Variants in BNIP3 observed in about 807,000 individuals in gnomAD.
BNIP3 encodes BCL2/adenovirus E1B 19 kDa protein-interacting protein 3.
BNIP3 carries 16 observed loss-of-function variants against 23.9 expected under a neutral mutation model. That is an observed-to-expected ratio of 0.67 (90% CI 0.45 to 1.01). BNIP3 has a LOEUF of 1.01. Among genes scored for constraint, BNIP3 ranks in the 50% least tolerant of loss-of-function variants. The pLI, the probability that BNIP3 is intolerant of heterozygous loss-of-function variation, is 0.00. For missense variants in BNIP3, 198 were observed against 248.7 expected (o/e 0.80, Z 1.37); for synonymous variants, 81 against 89.3 (o/e 0.91, Z 0.53).
rs377634996 is a variant in BNIP3 at position 131,975,773 on chromosome 10, C to G, written c.47-1830G>C. ...CAACAGTCTCCCAGTAAGCTGCTAA[C>G]GAAATGATCACACAAATTTTCAAAT... On this transcript the variant is annotated intron_variant, in intron 1 of 5. Transcript: ENST00000368636. Among the ~76,000 whole-genome samples, 4 of 152,326 alleles carry G rather than the reference C, an allele frequency of 2.6e-5. No homozygotes were observed. In the East Asian group the frequency reaches 7.7e-4, roughly 29 times the overall value.
Position 131,981,796 on chromosome 10 carries a change from T to G in BNIP3, c.11A>C (p.Asn4Thr). The change falls in exon 1 of 6, where the codon AAC (asparagine) becomes ACC (threonine). Residue 4 changes from asparagine (N) to threonine (T), a missense_variant. Transcript: ENST00000368636. ...CTCCTCCTGCATCCCGGGCGCTCCG[T>G]TCTGCGACATGGCGCCAGAGGGCAA... MSQ[N>T]GAPGMQEESL... The G allele has an allele frequency of 6.7e-7, 1 of 1,483,340 alleles. No homozygotes were observed. 91.9% of individuals were successfully genotyped at this position (1,483,340 alleles called of 1,614,324 possible). A position where few individuals can be genotyped will look rare whatever the true frequency, so the allele number is the denominator to read the frequency against.
intron 1 of BNIP3, among the ~76,000 whole-genome samples, chr10:131,978,620 C>G (rs2037097179): frequency 1.3e-5 from 2 of 152,192 alleles, no homozygotes; most frequent in Admixed American, 6.5e-5. Flanking sequence ...GGGTGACAAC[C>G]TCAACTCTGG....
intron 2 of BNIP3, chr10:131,973,403 A>G: frequency 4.1e-6 from 2 of 489,868 alleles, no homozygotes; most frequent in South Asian, 4.5e-5. Flanking sequence ...GGTCTGTTGC[A>G]CAGCTCTCAA....
In BNIP3 at chr10:131,973,951, G is replaced by A. The variant is rs750601994; in HGVS notation, c.47-8C>T. 2 of 1,610,606 alleles carry A rather than the reference G, an allele frequency of 1.2e-6. No homozygotes were observed. Among genetic ancestry groups the A allele is most frequent in the African/African-American group, 2.7e-5 (2 of 74,524 alleles). On this transcript the variant is annotated splice_region_variant and splice_polypyrimidine_tract_variant and intron_variant, in intron 1 of 5. Coordinates refer to ENST00000368636, the MANE Select transcript of BNIP3 (RefSeq NM_004052.4). ...GCAGTTCTACCCAGGAGCCTGATGG[G>A]GACAAAAAAAGGGGCGCAGATGGAA...
chr10:131,975,858 C>T (rs1229132781), intron 1 of BNIP3, among the ~76,000 whole-genome samples: 1 of 152,234 alleles, frequency 6.6e-6, no homozygotes, highest in African/African-American at 2.4e-5. Context: ...CTACACGAAG[C>T]ACATCCCTAA....
Position 131,981,908 on chromosome 10 carries a change from G to C in BNIP3, c.-102C>G, listed in dbSNP as rs1014101824. ...GCGGAGGTCGGAGCGCCGCGGCCCA[G>C]CTGCGCTCCCGGACTGAGCGGAGCC... On this transcript the variant is annotated 5_prime_UTR_variant, in exon 1 of 6. Coordinates refer to ENST00000368636, the MANE Select transcript of BNIP3 (RefSeq NM_004052.4). The C allele has an allele frequency of 1.5e-6, 2 of 1,320,578 alleles. No homozygotes were observed. Among genetic ancestry groups the C allele is most frequent in the Non-Finnish European group, 1.9e-6 (2 of 1,026,698 alleles). 81.8% of individuals were successfully genotyped at this position (1,320,578 alleles called of 1,614,324 possible).
At chr10:131,980,529 T>A (rs1388612657) in intron 1 of BNIP3, 1 of 151,064 alleles carries the variant, frequency 6.6e-6, no homozygotes, top group Non-Finnish European at 1.5e-5. Flanking sequence ...GGAGGATCGC[T>A]TGAGCCCAGT....
chr10:131,971,720 T>A (rs770440248), intron 3 of BNIP3, among the ~76,000 whole-genome samples: 3 of 152,134 alleles, frequency 2.0e-5, no homozygotes, highest in Non-Finnish European at 4.4e-5. Flanking sequence ...AACATCTGGG[T>A]ACACCCAAGC....
At chr10:131,979,836 T>A (rs1439494171) in intron 1 of BNIP3, among the ~76,000 whole-genome samples, 6 of 152,224 alleles carry the variant, frequency 3.9e-5, no homozygotes, top group Non-Finnish European at 5.9e-5. Flanking sequence ...GCTTGCTGCT[T>A]CCATCCGTGG....
Position 131,970,478 on chromosome 10 carries a change from G to T in BNIP3, c.539+160C>A. 9.2e-7 allele frequency: 1 copy of T among 1,088,404 alleles called. No homozygotes were observed. Among genetic ancestry groups the T allele is most frequent in the Non-Finnish European group, 1.3e-6 (1 of 781,190 alleles). The allele number at this position is 1,088,404 out of a possible 1,614,324, so 67.4% of individuals were successfully genotyped here. A position where few individuals can be genotyped will look rare whatever the true frequency, so the allele number is the denominator to read the frequency against. ...GGGCCTTTGGGGGCTGCAGGCTGGT[G>T]GTTTCTGGACCTGAACAGTGACTAC... On this transcript the variant is annotated intron_variant, in intron 5 of 5. Coordinates refer to ENST00000368636, the MANE Select transcript of BNIP3 (RefSeq NM_004052.4). This position sits in a 1 kb window ranked among gnomAD's most constrained non-coding sequence, Gnocchi z 4.1.
intron 1 of BNIP3, among the ~76,000 whole-genome samples, chr10:131,977,300 A>G (rs2037086107): frequency 2.0e-5 from 3 of 152,150 alleles, no homozygotes. Context: ...CTGCTCAGGA[A>G]GCCCCAGGGG....
intron 2 of BNIP3, 159 bp from the exon 3 acceptor site, chr10:131,973,277 C>T: frequency 1.5e-6 from 1 of 685,944 alleles, no homozygotes; most frequent in Non-Finnish European, 2.5e-6. Context: ...CAGAGCCAAA[C>T]TCTTCCTCAG....
At chr10:131,972,151 A>C (rs1264934643) in intron 3 of BNIP3, among the ~76,000 whole-genome samples, 1 of 152,222 alleles carries the variant, frequency 6.6e-6, no homozygotes, top group African/African-American at 2.4e-5. Flanking sequence ...GGAGAACGAT[A>C]GTACACCAAG....
chr10:131,972,359 C>A (rs1247158664), intron 3 of BNIP3, among the ~76,000 whole-genome samples: 1 of 152,132 alleles, frequency 6.6e-6, no homozygotes, highest in Admixed American at 6.5e-5. Flanking sequence ...CTGGGCAACA[C>A]AGGGAGACCC....
At chr10:131,978,788 C>T (rs893076396) in intron 1 of BNIP3, among the ~76,000 whole-genome samples, 2 of 152,134 alleles carry the variant, frequency 1.3e-5, no homozygotes, top group Admixed American at 6.5e-5. Flanking sequence ...GAGGCAGCAT[C>T]CCAGAAAAAA....
At chr10:131,973,627 C>T (rs1386353376) in intron 2 of BNIP3, 166 bp downstream of exon 2, 34 of 871,342 alleles carry the variant, frequency 3.9e-5, no homozygotes, top group South Asian at 1.8e-5. Flanking sequence ...CCAAAGAGGG[C>T]GAGGCTCCTA....
chr10:131,971,845 G>A (rs1041537265), intron 3 of BNIP3, among the ~76,000 whole-genome samples: 2 of 152,166 alleles, frequency 1.3e-5, no homozygotes, highest in African/African-American at 4.8e-5. Flanking sequence ...GTGGGGCCAG[G>A]GGATGTCCCT....
At position 131,973,773 on chromosome 10, in the gene BNIP3, A is replaced by T. The variant is rs1453944969; in HGVS notation, c.197+20T>A. The stretch of plus-strand genomic sequence containing the variant: ...AAGACATCGGCACTGTAACACATAC[A>T]CTTGTTGATGCGCGCCTACCTGTCA... On this transcript the variant is annotated intron_variant, in intron 2 of 5. Coordinates refer to ENST00000368636, the MANE Select transcript of BNIP3 (RefSeq NM_004052.4). 1 of 1,611,424 alleles carries T rather than the reference A, an allele frequency of 6.2e-7. No homozygotes were observed. The highest frequency in any genetic ancestry group is 1.7e-5 in the Admixed American group (1 of 59,988).
At chr10:131,971,180 C>T in intron 3 of BNIP3, 2 of 570,898 alleles carry the variant, frequency 3.5e-6, no homozygotes, top group Non-Finnish European at 6.2e-6. Context: ...CGCTCGCCGC[C>T]TCCAGGGACA....
Sources: allele counts gnomAD v4.1 joint callset (sites outside exome capture counted in the v4.1 genomes callset), GRCh38; gene constraint gnomAD v4.1.1; non-coding constraint Gnocchi (gnomAD v3.1); transcripts MANE v1.5; gene names NCBI Gene and HGNC (gene_info 2026-07-23, HGNC 2026-07-21).